The following TMEM178A variants were observed in gnomAD, a reference collection of about 807,000 sequenced individuals.
TMEM178A encodes transmembrane protein 178.
Under a neutral mutation model 29.1 loss-of-function variants are expected in TMEM178A, and 12 were observed. The observed-to-expected ratio is 0.41, with a 90% CI of 0.26 to 0.67. The LOEUF (loss-of-function observed/expected upper bound fraction) is 0.67, where lower values mean the gene tolerates loss of function less well. Ranked by LOEUF, TMEM178A falls within the 30% of genes least tolerant of loss-of-function variation. TMEM178A has a pLI of 0.29. For synonymous variants in TMEM178A, 210 were observed against 187.2 expected (o/e 1.12, Z -0.99); for missense variants, 366 against 419.1 (o/e 0.87, Z 1.11).
intron 1 of TMEM178A, among the ~76,000 whole-genome samples, chr2:39,678,726 T>G (rs77187239): frequency 0.046 from 6,995 of 152,278 alleles, 479 homozygotes; most frequent in African/African-American, 0.14. Context: ...AATTTCCCAC[T>G]GCCTACAGCT....
chr2:39,686,963 ATGTGTGTGTGTGTGTGTGTGTGTGTG>A (rs4015737), intron 1 of TMEM178A, among the ~76,000 whole-genome samples: 246 of 120,328 alleles, frequency 2.0e-3, no homozygotes, highest in Middle Eastern at 0.013. Flanking sequence ...GCACATATGC[ATGTGTGTGTGTGTGTGTGTGTGTGTG>A]TGTGTGTGTG....
intron 3 of TMEM178A, among the ~76,000 whole-genome samples, chr2:39,714,615 C>A (rs189250312): frequency 9.8e-5 from 15 of 152,290 alleles, no homozygotes; most frequent in Non-Finnish European, 2.1e-4. Flanking sequence ...AAGCACAAAT[C>A]AATTCCCCAG....
chr2:39,672,105 T>C lies in TMEM178A; in HGVS notation c.400+5731T>C, dbSNP rs74318062. ...TGAGGCTGAACATACCCAAGTGTGA[T>C]ATTCAATGTTTCAACACATTCTATT... On this transcript the variant is annotated intron_variant, in intron 1 of 3. Coordinates refer to ENST00000281961, the MANE Select transcript of TMEM178A (RefSeq NM_152390.3). Among the ~76,000 whole-genome samples the C allele has an allele frequency of 3.5e-3, 527 of 152,362 alleles. 6 individuals carry two copies. The highest frequency in any genetic ancestry group is 0.012 in the African/African-American group (502 of 41,588).
chr2:39,718,283 A>T (rs924491841), downstream of TMEM178A, among the ~76,000 whole-genome samples: 3 of 151,752 alleles, frequency 2.0e-5, no homozygotes, highest in African/African-American at 7.3e-5. Context: ...AGTCATAAGG[A>T]TACATGGTCT....
At chr2:39,705,413 C>A (rs561355950) in intron 2 of TMEM178A, among the ~76,000 whole-genome samples, 20 of 152,304 alleles carry the variant, frequency 1.3e-4, no homozygotes, top group African/African-American at 4.3e-4. Context: ...ATCACTCAAA[C>A]CATAGGAAAT....
At chr2:39,677,094 A>G (rs1168184054) in intron 1 of TMEM178A, among the ~76,000 whole-genome samples, 1 of 152,180 alleles carries the variant, frequency 6.6e-6, no homozygotes, top group Non-Finnish European at 1.5e-5. Context: ...TTTAATACAC[A>G]TTGGATTGGA....
At chr2:39,690,434 C>T (rs776390263) in intron 1 of TMEM178A, among the ~76,000 whole-genome samples, 94 of 152,108 alleles carry the variant, frequency 6.2e-4, no homozygotes, top group Non-Finnish European at 2.2e-4. Context: ...AGGACACTGC[C>T]GTGGGGAAAA....
Position 39,707,066 on chromosome 2 carries a change from G to A in TMEM178A, c.532G>A (p.Ala178Thr). Residue 178 changes from alanine to threonine, a missense_variant, in exon 3 of 4, where the codon GCT becomes ACT. Physicochemically the swap from Ala to Thr is moderately conservative, Grantham distance 58. Transcript: ENST00000281961. ...WHLLHLRRITAGFLGMAVAVL... is the reference protein window; with the variant it reads ...WHLLHLRRITTGFLGMAVAVL... ...GAGATTAGATTTAAGAAGAATCACT[G>A]CTGGCTTCCTCGGCATGGCCGTAGC... is the stretch of plus-strand genomic sequence containing the variant. The A allele has an allele frequency of 1.2e-6, 2 of 1,611,068 alleles. No individual in the cohort carries two copies. The highest frequency in any genetic ancestry group is 1.7e-6 in the Non-Finnish European group (2 of 1,179,060).
chr2:39,708,869 T>G (rs1273330443), intron 3 of TMEM178A, among the ~76,000 whole-genome samples: 2 of 152,164 alleles, frequency 1.3e-5, no homozygotes, highest in Non-Finnish European at 2.9e-5. Context: ...AAGAAATCTT[T>G]CCTTTCTTCT....
Position 39,704,080 on chromosome 2 carries a change from G to A in TMEM178A, c.401-1G>A. The A allele has an allele frequency of 6.2e-7, 1 of 1,613,594 alleles. No homozygotes were observed. The highest frequency in any genetic ancestry group is 8.5e-7 in the Non-Finnish European group (1 of 1,179,720). Reference sequence around the variant, plus strand: ...AAATCGCGTTTCTTATTTCCTTCAAGGTATTGCGCAGCGATGCACGGCCAT... The same window carrying A: ...AAATCGCGTTTCTTATTTCCTTCAAAGTATTGCGCAGCGATGCACGGCCAT... On this transcript the variant is annotated splice_acceptor_variant, in intron 1 of 3. Transcript: ENST00000281961. LOFTEE classifies it high-confidence loss of function.
intron 1 of TMEM178A, among the ~76,000 whole-genome samples, chr2:39,698,902 T>C (rs1411150489): frequency 6.6e-6 from 1 of 152,174 alleles, no homozygotes; most frequent in African/African-American, 2.4e-5. Flanking sequence ...GAGTTTTATA[T>C]TTCTAGGTAT....
At position 39,717,874 on chromosome 2, in the gene TMEM178A, A is replaced by G. The variant is rs1672614966; in HGVS notation, c.*623A>G. 1 of 152,776 alleles carries G rather than the reference A, an allele frequency of 6.5e-6. No individual in the cohort carries two copies. The highest frequency in any genetic ancestry group is 1.5e-5 in the Non-Finnish European group (1 of 68,188). 9.5% of individuals were successfully genotyped at this position (152,776 alleles called of 1,614,324 possible). A position where few individuals can be genotyped will look rare whatever the true frequency, so the allele number is the denominator to read the frequency against. On this transcript the variant is annotated 3_prime_UTR_variant, in exon 4 of 4. Transcript: ENST00000281961. ...ACGTGCTTAAGAGCTAACTCGTGAC[A>G]CTATGCAGTATTGTTTGAAGACCTG...
intron 3 of TMEM178A, among the ~76,000 whole-genome samples, chr2:39,716,596 A>C (rs72803173): frequency 2.5e-4 from 38 of 152,372 alleles, no homozygotes; most frequent in Non-Finnish European, 5.3e-4. Flanking sequence ...ACAACAGAAT[A>C]ACTGTATGAA....
intron 1 of TMEM178A, among the ~76,000 whole-genome samples, chr2:39,674,266 C>G (rs765719388): frequency 6.6e-6 from 1 of 152,068 alleles, no homozygotes; most frequent in Admixed American, 6.6e-5. Context: ...ATCATGGAAC[C>G]GACCCAAAGG....
chr2:39,719,721 C>A (rs781443765), downstream of TMEM178A, among the ~76,000 whole-genome samples: 3 of 152,106 alleles, frequency 2.0e-5, no homozygotes, highest in Non-Finnish European at 4.4e-5. Context: ...CTGTCCCACA[C>A]ACCCCCCTTT....
At chr2:39,706,414 G>T (rs994938564) in intron 2 of TMEM178A, among the ~76,000 whole-genome samples, 1 of 152,224 alleles carries the variant, frequency 6.6e-6, no homozygotes, top group African/African-American at 2.4e-5. Flanking sequence ...CATGTATCCT[G>T]TGTGCACTTT....
At chr2:39,689,744 C>T (rs556277103) in intron 1 of TMEM178A, among the ~76,000 whole-genome samples, 75 of 152,238 alleles carry the variant, frequency 4.9e-4, no homozygotes, top group African/African-American at 1.8e-3. Flanking sequence ...AAAGAATAGG[C>T]GGTTCCAACC....
At chr2:39,713,529 T>C (rs1008210925) in intron 3 of TMEM178A, among the ~76,000 whole-genome samples, 3 of 152,114 alleles carry the variant, frequency 2.0e-5, no homozygotes, top group Non-Finnish European at 2.9e-5. Context: ...CTGGTGTCCT[T>C]ATAAGGAGAT....
chr2:39,732,437 A>G, the TMEM178A span, among the ~76,000 whole-genome samples: 1 of 151,892 alleles, frequency 6.6e-6, no homozygotes, highest in Non-Finnish European at 1.5e-5. Context: ...GCTGATATAT[A>G]CCGCTCCCAT....
Sources: allele counts gnomAD v4.1 joint callset (sites outside exome capture counted in the v4.1 genomes callset), GRCh38; gene constraint gnomAD v4.1.1; transcripts MANE v1.5; gene names NCBI Gene and HGNC (gene_info 2026-07-23, HGNC 2026-07-21).